The following HDAC4 variants were observed in gnomAD, a reference collection of about 807,000 sequenced individuals.
The protein encoded by HDAC4 is histone deacetylase 4.
Under a neutral mutation model 135.1 loss-of-function variants are expected in HDAC4, and 16 were observed. The ratio of observed to expected loss-of-function variants is 0.12; its 90% CI spans 0.08 to 0.18. The LOEUF is 0.18. Among genes scored for constraint, HDAC4 ranks in the 10% least tolerant of loss-of-function variants. The probability of loss-of-function intolerance (pLI) is 1.00; values close to 1 mark genes in which losing one functional copy is unlikely to be tolerated. For missense variants in HDAC4, 1,143 were observed against 1,511.8 expected (o/e 0.76, Z 4.05); for synonymous variants, 685 against 653.4 (o/e 1.05, Z -0.74).
At chr2:239,380,219 C>T (rs909581255) in intron 1 of HDAC4, among the ~76,000 whole-genome samples, 4 of 152,230 alleles carry the variant, frequency 2.6e-5, no homozygotes, top group Non-Finnish European at 4.4e-5. Flanking sequence ...GCGGAATGCG[C>T]GAGCTCTGCA....
Position 239,263,251 on chromosome 2 carries a change from G to GCCCGCCCTGAGGACC in HDAC4, c.23-26602_23-26588dup, listed in dbSNP as rs144280959. ...GCAACTGCACATCAGCCATCCCGAA[G>GCCCGCCCTGAGGACC]CCCGCCCTGAGGACCCCCGCCCAGC... On this transcript the variant is annotated intron_variant, in intron 2 of 26. Coordinates refer to ENST00000543185, the MANE Select transcript of HDAC4 (RefSeq NM_001378414.1). 1.5e-3 allele frequency among the ~76,000 whole-genome samples: 221 copies of GCCCGCCCTGAGGACC among 148,716 alleles called. 1 individual carries two copies. Among genetic ancestry groups the GCCCGCCCTGAGGACC allele is most frequent in the Non-Finnish European group, 2.0e-3 (133 of 67,266 alleles).
intron 2 of HDAC4, among the ~76,000 whole-genome samples, chr2:239,246,722 A>C (rs892928845): frequency 4.6e-5 from 7 of 152,242 alleles, no homozygotes; most frequent in Non-Finnish European, 1.0e-4. Flanking sequence ...CAACACGGAG[A>C]GACAGCTCTC....
intron 2 of HDAC4, among the ~76,000 whole-genome samples, chr2:239,263,691 C>T (rs1030082022): frequency 1.3e-5 from 2 of 152,214 alleles, no homozygotes; most frequent in Admixed American, 1.3e-4. Flanking sequence ...CAGGAAAGGC[C>T]TCCAAGTTGG....
rs559517869 is a variant in HDAC4, at chr2:239,176,561, T to C, written c.342A>G (p.Gln114=). The C allele has an allele frequency of 3.7e-6, 6 of 1,612,696 alleles. No individual in the cohort carries two copies. Among genetic ancestry groups the C allele is most frequent in the Non-Finnish European group, 5.1e-6 (6 of 1,179,794 alleles). The stretch of plus-strand genomic sequence containing the variant: ...GCTTCATGGCCAGCATCTCCTGTTG[T>C]TGCTGCAAGTGGAAGGAGGAGACAG... The part of the protein sequence containing the change: ...HEAQLHEHIK[Q]QQEMLAMKHQ... Residue 114 remains glutamine, a splice_region_variant and synonymous_variant, in exon 5 of 27, where the codon CAA becomes CAG. Transcript: ENST00000543185.
chr2:239,210,689 G>A (rs1015242940), intron 3 of HDAC4, among the ~76,000 whole-genome samples: 10 of 152,222 alleles, frequency 6.6e-5, no homozygotes, highest in Admixed American at 2.0e-4. Context: ...TAATAAAGGA[G>A]GAAACGCCAG....
intron 19 of HDAC4, 102 bp from the exon 20 acceptor site, chr2:239,084,344 G>T: frequency 1.3e-6 from 1 of 789,968 alleles, no homozygotes; most frequent in Non-Finnish European, 2.2e-6. Flanking sequence ...AGACCTAAGA[G>T]GTCTCTGTGA....
At chr2:239,062,830 C>A (rs1163612903) in intron 24 of HDAC4, among the ~76,000 whole-genome samples, 1 of 152,216 alleles carries the variant, frequency 6.6e-6, no homozygotes, top group African/African-American at 2.4e-5. Context: ...TTTATGTTAA[C>A]ATGAACACCA....
intron 1 of HDAC4, among the ~76,000 whole-genome samples, chr2:239,376,191 C>T (rs1293876405): frequency 2.6e-5 from 4 of 151,318 alleles, no homozygotes; most frequent in African/African-American, 9.7e-5. Context: ...TGCTCACAAC[C>T]CTCCACCATC....
rs182786766 is a variant in HDAC4, at chr2:239,114,989, C to T, written c.1791+64G>A. On this transcript the variant is annotated intron_variant, in intron 13 of 26. Transcript: ENST00000543185. The stretch of plus-strand genomic sequence containing the variant: ...GCCCCCGTGATCACCACAGAAGATG[C>T]CACCTGGGGACCGAGGGTGGCTGTG... The T allele has an allele frequency of 1.4e-3, 2,257 of 1,588,542 alleles. 51 individuals carry two copies. The Admixed American group carries it at 0.035, about 25-fold the overall frequency.
At chr2:239,113,027 C>T (rs1383185287) in intron 13 of HDAC4, among the ~76,000 whole-genome samples, 1 of 152,180 alleles carries the variant, frequency 6.6e-6, no homozygotes, top group Non-Finnish European at 1.5e-5. Context: ...GAGTTCGAGA[C>T]CAGCCTGGCC....
At chr2:239,140,924 C>T (rs551299665) in intron 8 of HDAC4, 42 of 459,004 alleles carry the variant, frequency 9.2e-5, no homozygotes, top group East Asian at 4.6e-4. Flanking sequence ...AATATAGCCC[C>T]GAGCCACAGT....
intron 2 of HDAC4, among the ~76,000 whole-genome samples, chr2:239,301,385 C>T (rs11124190): frequency 6.6e-6 from 1 of 152,040 alleles, no homozygotes; most frequent in African/African-American, 2.4e-5. Context: ...CAGCAGCCCA[C>T]AGCCAGTGAT....
chr2:239,317,627 A>G (rs1347503802), intron 2 of HDAC4, among the ~76,000 whole-genome samples: 1 of 152,206 alleles, frequency 6.6e-6, no homozygotes, highest in African/African-American at 2.4e-5. Context: ...TTAATAAATT[A>G]GGAATCTATG....
intron 7 of HDAC4, among the ~76,000 whole-genome samples, chr2:239,148,345 G>T (rs919951221): frequency 6.6e-5 from 10 of 152,184 alleles, no homozygotes; most frequent in African/African-American, 2.2e-4. Context: ...GAGTGCAAAG[G>T]TCGTACAACA....
chr2:239,317,031 T>C (rs900022755), intron 2 of HDAC4, among the ~76,000 whole-genome samples: 2 of 152,142 alleles, frequency 1.3e-5, no homozygotes, highest in Non-Finnish European at 2.9e-5. Flanking sequence ...GGGTGGGGTG[T>C]GCGTAAGAGC....
At chr2:239,103,693 C>A (rs982883019) in intron 15 of HDAC4, among the ~76,000 whole-genome samples, 1 of 152,220 alleles carries the variant, frequency 6.6e-6, no homozygotes, top group African/African-American at 2.4e-5. Context: ...TGCAGCCCTG[C>A]CCCAGCATCC....
intron 11 of HDAC4, among the ~76,000 whole-genome samples, chr2:239,129,506 C>A (rs564257627): frequency 6.6e-6 from 1 of 152,182 alleles, no homozygotes; most frequent in Non-Finnish European, 1.5e-5. Context: ...CTGGGCTCCT[C>A]CCCTGGGCAT....
chr2:239,370,666 T>C (rs1362925888), intron 1 of HDAC4, among the ~76,000 whole-genome samples: 1 of 152,190 alleles, frequency 6.6e-6, no homozygotes, highest in African/African-American at 2.4e-5. Flanking sequence ...GCAGGACTCT[T>C]GTGCTGGCCA....
chr2:239,292,744 G>T (rs886348212), intron 2 of HDAC4, among the ~76,000 whole-genome samples: 8 of 151,998 alleles, frequency 5.3e-5, no homozygotes, highest in Admixed American at 2.0e-4. Context: ...TTTGGAAGGG[G>T]GGTGATGGAA....
Sources: gnomAD v4.1 joint callset for allele counts (sites outside exome capture counted in the v4.1 genomes callset) on GRCh38, gnomAD v4.1.1 for gene constraint, MANE v1.5 for transcripts, NCBI Gene and HGNC (gene_info 2026-07-23, HGNC 2026-07-21) for gene names.